Variants in SMIM14 observed in about 807,000 individuals in gnomAD.
SMIM14 encodes chromosome 4 open reading frame 34.
SMIM14 carries 5 observed loss-of-function variants against 12.6 expected under a neutral mutation model. That is an observed-to-expected ratio of 0.40 (90% CI 0.21 to 0.83). The LOEUF (loss-of-function observed/expected upper bound fraction) is 0.83, where lower values mean the gene tolerates loss of function less well. Among genes scored for constraint, SMIM14 ranks in the 40% least tolerant of loss-of-function variants. The probability of loss-of-function intolerance (pLI) is 0.37; values close to 1 mark genes in which losing one functional copy is unlikely to be tolerated. For missense variants in SMIM14, 86 were observed against 119.1 expected, an observed-to-expected ratio of 0.72 and a Z score of 1.29; for synonymous variants, 30 against 40.1, an observed-to-expected ratio of 0.75 and a Z score of 0.95.
intron 2 of SMIM14, among the ~76,000 whole-genome samples, chr4:39,598,962 C>T (rs964585862): frequency 1.3e-5 from 2 of 151,958 alleles, no homozygotes; most frequent in African/African-American, 4.8e-5. Flanking sequence ...CTCGTATGTG[C>T]TAGATCTGCT....
chr4:39,566,505 G>A (rs1041310952), intron 3 of SMIM14, among the ~76,000 whole-genome samples: 29 of 152,006 alleles, frequency 1.9e-4, no homozygotes, highest in African/African-American at 6.8e-4. Context: ...AGGTCTGGAG[G>A]ACAGACAGAC....
intron 2 of SMIM14, among the ~76,000 whole-genome samples, chr4:39,591,322 C>T (rs1044740057): frequency 6.6e-5 from 10 of 151,720 alleles, no homozygotes; most frequent in Admixed American, 3.3e-4. Flanking sequence ...TGAGATAATA[C>T]CTCAATTTTT....
intron 2 of SMIM14, among the ~76,000 whole-genome samples, chr4:39,587,332 T>C (rs912507773): frequency 6.6e-6 from 1 of 150,862 alleles, no homozygotes; most frequent in Non-Finnish European, 1.5e-5. Flanking sequence ...CCGTCTCTAC[T>C]AAAAATACAA....
intron 3 of SMIM14, among the ~76,000 whole-genome samples, chr4:39,568,333 G>T (rs75861664): frequency 0.011 from 1,691 of 151,386 alleles, 24 homozygotes; most frequent in African/African-American, 0.039. Context: ...TTTACTCTTT[G>T]GTCTGTGTTT....
intron 2 of SMIM14, among the ~76,000 whole-genome samples, chr4:39,578,530 TTATAG>T (rs746992604): frequency 3.2e-4 from 49 of 152,148 alleles, no homozygotes; most frequent in Admixed American, 1.8e-3. Context: ...ATCTTCTATA[TTATAG>T]TAATGTGGGG....
intron 1 of SMIM14, among the ~76,000 whole-genome samples, chr4:39,622,431 C>G (rs373315482): frequency 7.1e-6 from 1 of 139,990 alleles, no homozygotes; most frequent in Non-Finnish European, 1.6e-5. Context: ...GACGGAGTCT[C>G]GCTTTTTTGC....
At position 39,571,569 on chromosome 4, in the gene SMIM14, A is replaced by G. The variant is rs541430526; in HGVS notation, c.124+846T>C. ...CGCTCAGTGTGGGCGACAAAGCAAG[A>G]CACTGTTTCTTAAAAAAAAATTTTT... On this transcript the variant is annotated intron_variant, in intron 3 of 4. Coordinates refer to ENST00000295958, the MANE Select transcript of SMIM14 (RefSeq NM_174921.3). Among the ~76,000 whole-genome samples the G allele has an allele frequency of 3.3e-5, 5 of 152,100 alleles. No individual in the cohort carries two copies. In the East Asian group the frequency reaches 9.7e-4, roughly 29 times the overall value.
chr4:39,597,535 C>T (rs532457391), intron 2 of SMIM14, among the ~76,000 whole-genome samples: 17 of 150,840 alleles, frequency 1.1e-4, no homozygotes, highest in South Asian at 6.3e-4. Flanking sequence ...GCTCTGCCTC[C>T]GGGGTTCAAG....
rs75634548 is a variant in SMIM14 at position 39,609,959 on chromosome 4, C to T, written c.-35-4779G>A. Among the ~76,000 whole-genome samples the T allele has an allele frequency of 7.3e-3, 1,113 of 152,262 alleles. 9 individuals are homozygous for T. Among genetic ancestry groups the T allele is most frequent in the African/African-American group, 0.025 (1,039 of 41,548 alleles). Reference sequence around the variant, plus strand: ...GTTAGCTCCCTCCCTATTCTCATTCCTTATGCCAAAATAAATTCTAGACGC... The same window carrying T: ...GTTAGCTCCCTCCCTATTCTCATTCTTTATGCCAAAATAAATTCTAGACGC... On this transcript the variant is annotated intron_variant, in intron 1 of 4. Coordinates refer to ENST00000295958, the MANE Select transcript of SMIM14 (RefSeq NM_174921.3).
chr4:39,602,290 A>C, intron 2 of SMIM14, among the ~76,000 whole-genome samples: 1 of 151,450 alleles, frequency 6.6e-6, no homozygotes. Flanking sequence ...GAGAGGTGGA[A>C]AAGCCTATTA....
At chr4:39,586,771 C>G (rs1240960776) in intron 2 of SMIM14, among the ~76,000 whole-genome samples, 6 of 152,128 alleles carry the variant, frequency 3.9e-5, no homozygotes, top group Admixed American at 3.9e-4. Context: ...CACTTTTTGT[C>G]TTAGTTTGGG....
At chr4:39,591,674 G>C (rs12513196) in intron 2 of SMIM14, among the ~76,000 whole-genome samples, 1 of 151,958 alleles carries the variant, frequency 6.6e-6, no homozygotes, top group African/African-American at 2.4e-5. Flanking sequence ...TCATGTCTCA[G>C]CCTCCCAAGT....
Position 39,605,147 on chromosome 4 carries a change from A to T in SMIM14, c.-2T>A. The T allele has an allele frequency of 6.2e-7, 1 of 1,602,330 alleles. No homozygotes were observed. The highest frequency in any genetic ancestry group is 8.5e-7 in the Non-Finnish European group (1 of 1,178,068). On this transcript the variant is annotated 5_prime_UTR_variant, in exon 2 of 5. Transcript: ENST00000295958. Reference sequence around the variant, plus strand: ...GGGATCAAATCCACCTTCTGCCATGATTACCCAGCTTGATTTTACTTGACT... The same window carrying T: ...GGGATCAAATCCACCTTCTGCCATGTTTACCCAGCTTGATTTTACTTGACT...
rs1329334317 is a variant in SMIM14, at chr4:39,546,743, ATTG to A, written c.*5380_*5382del. ...ATAAAAAGTTGACTGTCTCCAAGAAATTGTTATTTCACAAATTTATCTATTTTA... is the reference window on the plus strand; with the variant it reads ...ATAAAAAGTTGACTGTCTCCAAGAAATTATTTCACAAATTTATCTATTTTA... On this transcript the variant is annotated 3_prime_UTR_variant, in exon 5 of 5. Transcript: ENST00000295958. 17 of 152,246 alleles carry A rather than the reference ATTG, an allele frequency of 1.1e-4. No homozygotes were observed. The highest frequency in any genetic ancestry group is 2.2e-4 in the African/African-American group (9 of 41,472). 9.4% of individuals were successfully genotyped at this position (152,246 alleles called of 1,614,324 possible). A position where few individuals can be genotyped will look rare whatever the true frequency, so the allele number is the denominator to read the frequency against.
At chr4:39,599,793 G>A (rs981160214) in intron 2 of SMIM14, among the ~76,000 whole-genome samples, 25 of 151,984 alleles carry the variant, frequency 1.6e-4, no homozygotes, top group East Asian at 3.9e-4. Flanking sequence ...ATGGTAGCGC[G>A]CACCTATAGT....
At chr4:39,569,515 C>T (rs1712771455) in intron 3 of SMIM14, among the ~76,000 whole-genome samples, 1 of 152,128 alleles carries the variant, frequency 6.6e-6, no homozygotes, top group Non-Finnish European at 1.5e-5. Flanking sequence ...ATGTAAATAG[C>T]CTTAAAATGT....
At chr4:39,595,494 T>C (rs1432312389) in intron 2 of SMIM14, among the ~76,000 whole-genome samples, 2 of 151,768 alleles carry the variant, frequency 1.3e-5, no homozygotes, top group East Asian at 3.9e-4. Context: ...GCATGGCACA[T>C]GTATACATAT....
chr4:39,570,536 G>A (rs996202005), intron 3 of SMIM14, among the ~76,000 whole-genome samples: 9 of 152,154 alleles, frequency 5.9e-5, no homozygotes, highest in Non-Finnish European at 1.0e-4. Context: ...CCCAACATAT[G>A]CACACAAAGA....
intron 2 of SMIM14, among the ~76,000 whole-genome samples, chr4:39,591,644 C>T (rs1714086958): frequency 1.3e-5 from 2 of 152,094 alleles, no homozygotes; most frequent in Admixed American, 6.6e-5. Flanking sequence ...CAACCTCCAC[C>T]TCCCAGACTC....
Sources: allele counts gnomAD v4.1 joint callset (sites outside exome capture counted in the v4.1 genomes callset), GRCh38; gene constraint gnomAD v4.1.1; transcripts MANE v1.5; gene names NCBI Gene and HGNC (gene_info 2026-07-23, HGNC 2026-07-21).